The following SIAH3 variants were observed in gnomAD, a reference collection of about 807,000 sequenced individuals.
SIAH3 encodes the protein seven in absentia homolog 3.
Under a neutral mutation model 12.6 loss-of-function variants are expected in SIAH3, and 9 were observed. The ratio of observed to expected loss-of-function variants is 0.72; its 90% CI spans 0.43 to 1.25. The LOEUF (loss-of-function observed/expected upper bound fraction) is 1.25, where lower values mean the gene tolerates loss of function less well. SIAH3 is among the 50% of genes most tolerant of loss of function. The pLI, the probability that SIAH3 is intolerant of heterozygous loss-of-function variation, is 0.00. For synonymous variants in SIAH3, 154 were observed against 151.1 expected (o/e 1.02, Z -0.14); for missense variants, 390 against 365.4 (o/e 1.07, Z -0.55).
rs1234452240 is a variant in SIAH3, at chr13:45,803,723, C to CCTATACATAGCTTCTATG, written c.136-19684_136-19667dup. On this transcript the variant is annotated intron_variant, in intron 1 of 1. Transcript: ENST00000400405. ...GATGAGAAATTACACAGAAGAGGCC[C>CCTATACATAGCTTCTATG]CTATACATAGCTTCTATGCTATACA... is the stretch of plus-strand genomic sequence containing the variant. Among the ~76,000 whole-genome samples, 3 of 152,056 alleles carry CCTATACATAGCTTCTATG rather than the reference C, an allele frequency of 2.0e-5. No homozygotes were observed. The South Asian group carries it at 6.3e-4, about 32-fold the overall frequency.
At chr13:45,784,412 T>TG (rs796258697) in intron 1 of SIAH3, among the ~76,000 whole-genome samples, 2,256 of 147,010 alleles carry the variant, frequency 0.015, 72 homozygotes, top group African/African-American at 0.048. Flanking sequence ...TTTTTTTTTT[T>TG]TTTTTTTTTG....
intron 1 of SIAH3, among the ~76,000 whole-genome samples, chr13:45,786,223 G>T (rs7992632): frequency 6.6e-6 from 1 of 151,820 alleles, no homozygotes; most frequent in South Asian, 2.1e-4. Flanking sequence ...CTGCAGGGCC[G>T]GTAGGCAGGC....
At position 45,826,373 on chromosome 13, in the gene SIAH3, A is replaced by G. The variant is rs58335174; in HGVS notation, c.135+25122T>C. Among the ~76,000 whole-genome samples the G allele has an allele frequency of 2.1e-3, 58 of 27,082 alleles. 17 individuals are homozygous for G. Among genetic ancestry groups the G allele is most frequent in the African/African-American group, 4.6e-3 (22 of 4,788 alleles). The allele number at this position is 27,082 out of a possible 152,430, so 17.8% of individuals were successfully genotyped here. A position where few individuals can be genotyped will look rare whatever the true frequency, so the allele number is the denominator to read the frequency against. ...GGTGGGTGGATGGATGGATGGATGG[A>G]TGAATGAATGGATGGATGGATGGAT... On this transcript the variant is annotated intron_variant, in intron 1 of 1. Transcript: ENST00000400405.
intron 1 of SIAH3, among the ~76,000 whole-genome samples, chr13:45,785,005 G>A (rs1214986086): frequency 6.6e-6 from 1 of 152,222 alleles, no homozygotes; most frequent in Non-Finnish European, 1.5e-5. Flanking sequence ...TCCTCCATGT[G>A]TCATGAAGAC....
intron 1 of SIAH3, among the ~76,000 whole-genome samples, chr13:45,820,603 G>A (rs1160487279): frequency 1.3e-5 from 2 of 152,160 alleles, no homozygotes; most frequent in African/African-American, 4.8e-5. Context: ...GGCAATTTCG[G>A]AGGACTATTG....
chr13:45,812,282 A>AGGAAAGG (rs886917441), intron 1 of SIAH3, among the ~76,000 whole-genome samples: 5 of 152,184 alleles, frequency 3.3e-5, no homozygotes, highest in African/African-American at 1.2e-4. Flanking sequence ...CCTAAACCCC[A>AGGAAAGG]GGAAAGGGGA....
intron 1 of SIAH3, among the ~76,000 whole-genome samples, chr13:45,784,473 T>A (rs1950519946): frequency 6.8e-6 from 1 of 147,950 alleles, no homozygotes; most frequent in Non-Finnish European, 1.5e-5. Context: ...GTCAATAGAT[T>A]TTTTTTTTCT....
rs116673350 is a variant in SIAH3 at position 45,817,151 on chromosome 13, A to G, written c.136-33094T>C. Among the ~76,000 whole-genome samples, 1,025 of 152,380 alleles carry G rather than the reference A, an allele frequency of 6.7e-3. 11 individuals carry two copies. The highest frequency in any genetic ancestry group is 0.023 in the African/African-American group (950 of 41,588). The stretch of plus-strand genomic sequence containing the variant: ...GCAGACACACAGAGTCATGCACTGC[A>G]TAACAATGTTTAGGCCATATACAAT... On this transcript the variant is annotated intron_variant, in intron 1 of 1. Transcript: ENST00000400405.
intron 1 of SIAH3, among the ~76,000 whole-genome samples, chr13:45,822,161 G>A (rs1271107944): frequency 6.6e-6 from 1 of 152,124 alleles, no homozygotes; most frequent in East Asian, 1.9e-4. Context: ...GGTGCAACAG[G>A]GAGCTTTTCT....
At chr13:45,838,832 T>C (rs563943293) in intron 1 of SIAH3, among the ~76,000 whole-genome samples, 1 of 151,994 alleles carries the variant, frequency 6.6e-6, no homozygotes, top group East Asian at 1.9e-4. Flanking sequence ...GTGGACACAG[T>C]CCCTCCTTTC....
chr13:45,840,391 A>AT (rs2137582794), intron 1 of SIAH3, among the ~76,000 whole-genome samples: 1 of 152,308 alleles, frequency 6.6e-6, no homozygotes, highest in South Asian at 2.1e-4. Flanking sequence ...TATCCTGAGG[A>AT]TTTTTTAAAA....
chr13:45,799,290 TC>T (rs755715901), intron 1 of SIAH3, among the ~76,000 whole-genome samples: 9 of 152,216 alleles, frequency 5.9e-5, no homozygotes, highest in Non-Finnish European at 1.3e-4. Flanking sequence ...ATAGTTCCTT[TC>T]ACTTTTTTCA....
intron 1 of SIAH3, among the ~76,000 whole-genome samples, chr13:45,816,484 C>T (rs1409794241): frequency 6.6e-6 from 1 of 152,200 alleles, no homozygotes; most frequent in Admixed American, 6.5e-5. Flanking sequence ...TTTTTAAAAG[C>T]CTTGCTATAA....
At chr13:45,821,645 G>A (rs966903115) in intron 1 of SIAH3, among the ~76,000 whole-genome samples, 1 of 152,222 alleles carries the variant, frequency 6.6e-6, no homozygotes, top group African/African-American at 2.4e-5. Flanking sequence ...ATTAACTATA[G>A]CAAAGATGCT....
In SIAH3 at chr13:45,799,349, C is replaced by T. The variant is rs189319001; in HGVS notation, c.136-15292G>A. On this transcript the variant is annotated intron_variant, in intron 1 of 1. Transcript: ENST00000400405. ...GAATAAGAACGATGATATCTGCCTCCTTCCTGGATAATAGGAGGAATGCGT... is the reference window on the plus strand; with the variant it reads ...GAATAAGAACGATGATATCTGCCTCTTTCCTGGATAATAGGAGGAATGCGT... Among the ~76,000 whole-genome samples, 43 of 152,262 alleles carry T rather than the reference C, an allele frequency of 2.8e-4. 1 individual carries two copies. In the East Asian group the frequency reaches 7.7e-3, roughly 27 times the overall value.
chr13:45,783,684 A>T lies in SIAH3; in HGVS notation c.509T>A (p.Val170Glu). Residue 170 changes from valine (V) to glutamate (E), a missense_variant, in exon 2 of 2, where the codon GTG becomes GAG. Val to Glu is a moderately radical substitution (Grantham distance 121). Transcript: ENST00000400405. ...HSCLGHHFLLVLRKQERHEGH... is the reference protein window; with the variant it reads ...HSCLGHHFLLELRKQERHEGH... ...TTCATGCCTCTCCTGTTTCCTCAGC[A>T]CCAACAGAAAGTGGTGGCCAAGGCA... 1 of 1,614,070 alleles carries T rather than the reference A, an allele frequency of 6.2e-7. No individual in the cohort carries two copies. Among genetic ancestry groups the T allele is most frequent in the Non-Finnish European group, 8.5e-7 (1 of 1,179,982 alleles).
intron 1 of SIAH3, among the ~76,000 whole-genome samples, chr13:45,814,732 C>CT (rs11386908): frequency 0.83 from 121,807 of 146,788 alleles, 51,003 homozygotes; most frequent in East Asian, 0.99. Context: ...TTTGCCATTA[C>CT]TTTTTTTTTT....
At chr13:45,794,559 G>A (rs558760074) in intron 1 of SIAH3, among the ~76,000 whole-genome samples, 1 of 152,042 alleles carries the variant, frequency 6.6e-6, no homozygotes, top group African/African-American at 2.4e-5. Flanking sequence ...CATGGGGACG[G>A]GTTTTTCCTG....
rs189472914 is a variant in SIAH3 at position 45,796,386 on chromosome 13, C to T, written c.136-12329G>A. On this transcript the variant is annotated intron_variant, in intron 1 of 1. Transcript: ENST00000400405. The stretch of plus-strand genomic sequence containing the variant: ...TAGGGGGTCTTTTCTTTCATTATTT[C>T]ACTTGTTCATTTGGCCTGTCTGTAG... Among the ~76,000 whole-genome samples the T allele has an allele frequency of 2.6e-5, 4 of 152,186 alleles. No individual in the cohort carries two copies. The East Asian group carries it at 7.7e-4, about 29-fold the overall frequency.
Sources: allele counts gnomAD v4.1 joint callset (sites outside exome capture counted in the v4.1 genomes callset), GRCh38; gene constraint gnomAD v4.1.1; transcripts MANE v1.5; gene names NCBI Gene and HGNC (gene_info 2026-07-23, HGNC 2026-07-21).